The following IWS1 variants were observed in gnomAD, a reference collection of about 807,000 sequenced individuals.
IWS1 encodes interacts with SUPT6H, CTD assembly factor 1, also known as protein IWS1 homolog.
In IWS1, 27 loss-of-function variants were observed where a neutral mutation model predicts 86.7. That is an observed-to-expected ratio of 0.31 (90% CI 0.23 to 0.43). The LOEUF is 0.43. IWS1 is among the 20% of genes least tolerant of loss of function. The pLI is 1.00. For missense variants in IWS1, 827 were observed against 1,000.8 expected (o/e 0.83, Z 2.34); for synonymous variants, 313 against 335.1 (o/e 0.93, Z 0.72).
At chr2:127,512,756 T>C (rs1447551663) in intron 2 of IWS1, among the ~76,000 whole-genome samples, 2 of 152,222 alleles carry the variant, frequency 1.3e-5, no homozygotes, top group African/African-American at 2.4e-5. Flanking sequence ...ACGCACTATA[T>C]AGTAGTCACC....
intron 2 of IWS1, among the ~76,000 whole-genome samples, chr2:127,517,750 G>A (rs771025080): frequency 6.6e-6 from 1 of 152,022 alleles, no homozygotes; most frequent in South Asian, 2.1e-4. Context: ...GAAAACATAT[G>A]TCTACAAAAA....
chr2:127,482,916 T>A (rs186956289), intron 13 of IWS1: 1 of 152,316 alleles, frequency 6.6e-6, no homozygotes, highest in East Asian at 1.9e-4. Flanking sequence ...ATGGTACAAC[T>A]GTGTGAAGAC....
At chr2:127,500,432 C>T (rs1295815237) in intron 5 of IWS1, among the ~76,000 whole-genome samples, 2 of 152,114 alleles carry the variant, frequency 1.3e-5, no homozygotes, top group South Asian at 2.1e-4. Context: ...TGTTATTAGG[C>T]GCAAACAATT....
intron 2 of IWS1, among the ~76,000 whole-genome samples, chr2:127,513,452 T>G (rs191155687): frequency 6.6e-6 from 1 of 152,278 alleles, no homozygotes; most frequent in Admixed American, 6.5e-5. Flanking sequence ...TTCTTCAAAT[T>G]TAAGAAACTA....
Position 127,489,356 on chromosome 2 carries a change from G to C in IWS1, c.2160-121C>G, listed in dbSNP as rs901260198. ...AATAGCTCTTTTACGATGGATCAGG[G>C]AAAATAATTCCTAATCTTTAAAAAG... On this transcript the variant is annotated intron_variant, in intron 11 of 13. Coordinates refer to ENST00000295321, the MANE Select transcript of IWS1 (RefSeq NM_017969.3). The surrounding 1 kb of genome is among the most constrained non-coding windows in gnomAD (Gnocchi z 4.8). 11 of 668,126 alleles carry C rather than the reference G, an allele frequency of 1.6e-5. No homozygotes were observed. In the African/African-American group the frequency reaches 2.0e-4, roughly 12 times the overall value. 41.4% of individuals were successfully genotyped at this position (668,126 alleles called of 1,614,324 possible).
chr2:127,516,346 C>T (rs779902948), intron 2 of IWS1, among the ~76,000 whole-genome samples: 2 of 151,950 alleles, frequency 1.3e-5, no homozygotes, highest in Non-Finnish European at 2.9e-5. Flanking sequence ...CGCACCCCGC[C>T]CCCGCAATAC....
chr2:127,500,471 C>A (rs1488035119), intron 5 of IWS1, among the ~76,000 whole-genome samples: 1 of 152,002 alleles, frequency 6.6e-6, no homozygotes, highest in Non-Finnish European at 1.5e-5. Context: ...TATAAAGTGA[C>A]CTCTTTATCT....
At chr2:127,493,828 T>C (rs1444493131) in intron 8 of IWS1, among the ~76,000 whole-genome samples, 1 of 84,716 alleles carries the variant, frequency 1.2e-5, no homozygotes, top group African/African-American at 4.9e-5. Context: ...AGCACTCCAC[T>C]GGCAGGACAA....
At chr2:127,493,926 T>C (rs1379060399) in intron 8 of IWS1, among the ~76,000 whole-genome samples, 1 of 151,876 alleles carries the variant, frequency 6.6e-6, no homozygotes, top group Non-Finnish European at 1.5e-5. Context: ...GATAACATTA[T>C]ATACATAAAA....
At chr2:127,506,166 G>A (rs760745357) in intron 2 of IWS1, among the ~76,000 whole-genome samples, 3 of 152,096 alleles carry the variant, frequency 2.0e-5, no homozygotes, top group African/African-American at 4.8e-5. Context: ...TCAGGAGTTC[G>A]AGACCAGCCC....
intron 13 of IWS1, 42 bp from the exon 14 acceptor site, chr2:127,481,217 CG>C: frequency 1.9e-6 from 3 of 1,560,038 alleles, no homozygotes; most frequent in Middle Eastern, 1.8e-4. Context: ...TACTGAAATA[CG>C]TAAGTCTAGT....
At chr2:127,494,245 T>TAAAAA (rs11327472) in intron 8 of IWS1, among the ~76,000 whole-genome samples, 3 of 94,062 alleles carry the variant, frequency 3.2e-5, no homozygotes, top group Non-Finnish European at 4.0e-5. Flanking sequence ...TGTCTCTAAT[T>TAAAAA]AAAAAAAAAA....
In IWS1 at chr2:127,505,222, C is replaced by T; in HGVS notation, c.681G>A (p.Glu227=). The change falls in exon 3 of 14, where the codon GAG becomes GAA. Residue 227 remains glutamate, a synonymous_variant. Coordinates refer to ENST00000295321, the MANE Select transcript of IWS1 (RefSeq NM_017969.3). The surrounding 1 kb of genome is among the most constrained non-coding windows in gnomAD (Gnocchi z 5.0). ...PKPQVSDSES[E]EPPRHQASDS... ...CACTGGCCTGGTGCCTTGGGGGTTC[C>T]TCACTTTCTGAATCACTGACCTGAG... 6.2e-7 allele frequency: 1 copy of T among 1,613,948 alleles called. No individual in the cohort carries two copies. Among genetic ancestry groups the T allele is most frequent in the Non-Finnish European group, 8.5e-7 (1 of 1,179,942 alleles).
Position 127,504,870 on chromosome 2 carries a change from G to T in IWS1, c.1033C>A (p.Gln345Lys). ...RENKGEDTEMQNDSFHSDSHM... is the reference protein window; with the variant it reads ...RENKGEDTEMKNDSFHSDSHM... ...CTGTCTGAATGGAAGGAGTCATTCT[G>T]CATTTCTGTATCCTCTCCCTTATTC... Residue 345 changes from glutamine (Q) to lysine (K), a missense_variant, in exon 3 of 14, where the codon CAG becomes AAG. Around this residue, in one of 2 missense-constraint regions of IWS1, gnomAD observed 548 missense variants for 560.2 expected, o/e 0.98. Transcript: ENST00000295321. 1 of 1,614,112 alleles carries T rather than the reference G, an allele frequency of 6.2e-7. No homozygotes were observed. Among genetic ancestry groups the T allele is most frequent in the East Asian group, 2.2e-5 (1 of 44,878 alleles).
chr2:127,516,513 T>A (rs1691783797), intron 2 of IWS1, among the ~76,000 whole-genome samples: 1 of 152,076 alleles, frequency 6.6e-6, no homozygotes, highest in Non-Finnish European at 1.5e-5. Flanking sequence ...GTAATCCCAG[T>A]ACTGCTGAGA....
chr2:127,526,052 G>C, intron 1 of IWS1, 123 bp downstream of exon 1: 1 of 906,488 alleles, frequency 1.1e-6, no homozygotes, highest in Non-Finnish European at 1.7e-6. Flanking sequence ...TGCCCTCCTC[G>C]GGCCGGGTCG....
At chr2:127,484,412 T>C (rs754329742) in intron 13 of IWS1, 1 of 152,250 alleles carries the variant, frequency 6.6e-6, no homozygotes, top group African/African-American at 2.4e-5. Flanking sequence ...AAAAAGTGTT[T>C]CATTGGAAAC....
intron 2 of IWS1, among the ~76,000 whole-genome samples, chr2:127,512,020 G>C (rs903705877): frequency 2.6e-5 from 4 of 152,246 alleles, no homozygotes; most frequent in African/African-American, 9.6e-5. Flanking sequence ...TTCAAGGGCA[G>C]ATGGCTGGGC....
intron 2 of IWS1, among the ~76,000 whole-genome samples, chr2:127,510,098 G>A (rs1432126579): frequency 6.6e-6 from 1 of 152,128 alleles, no homozygotes; most frequent in Non-Finnish European, 1.5e-5. Context: ...CTGGTAAAAT[G>A]CTCAACACTA....
Sources: allele counts gnomAD v4.1 joint callset (sites outside exome capture counted in the v4.1 genomes callset), GRCh38; gene constraint gnomAD v4.1.1; regional missense constraint gnomAD v4.1.1; non-coding constraint Gnocchi (gnomAD v3.1); transcripts MANE v1.5; gene names NCBI Gene and HGNC (gene_info 2026-07-23, HGNC 2026-07-21).